The following TLK2 variants were observed in gnomAD, a reference collection of about 807,000 sequenced individuals.
TLK2 encodes serine/threonine-protein kinase tousled-like 2.
A neutral mutation model predicts 117.3 loss-of-function variants in TLK2; 6 were observed. The observed-to-expected ratio is 0.05, with a 90% CI of 0.03 to 0.10. The LOEUF is 0.10. Ranked by LOEUF, TLK2 falls within the 10% of genes least tolerant of loss-of-function variation. TLK2 has a pLI of 1.00. For synonymous variants in TLK2, 257 were observed against 316.7 expected (o/e 0.81, Z 2.00); for missense variants, 299 against 901.2 (o/e 0.33, Z 8.56).
At chr17:62,478,553 G>A (rs2071191111), upstream of TLK2, among the ~76,000 whole-genome samples, 1 of 150,084 alleles carries the variant, frequency 6.7e-6, no homozygotes. Context: ...CCGTCAGCCG[G>A]CGCCGCCCGT....
chr17:62,481,322 G>A, intron 2 of TLK2, 116 bp downstream of exon 2: 1 of 1,140,384 alleles, frequency 8.8e-7, no homozygotes, highest in Non-Finnish European at 1.3e-6. Context: ...GAAGATTTGG[G>A]TCTTAATTTC....
chr17:62,480,214 T>A (rs1235909856), intron 1 of TLK2, among the ~76,000 whole-genome samples: 2 of 152,366 alleles, frequency 1.3e-5, no homozygotes, highest in Non-Finnish European at 2.9e-5. Context: ...ACACCAACCA[T>A]TCCAACTACT....
At chr17:62,602,245 A>T (rs1225675948) in intron 19 of TLK2, 65 bp downstream of exon 19, 1 of 1,525,802 alleles carries the variant, frequency 6.6e-7, no homozygotes, top group African/African-American at 1.4e-5. Context: ...TGAAGTGTTG[A>T]TAATGAATTA....
chr17:62,483,651 G>A lies in TLK2; in HGVS notation c.81+2445G>A, dbSNP rs553023725. On this transcript the variant is annotated intron_variant, in intron 2 of 21. Coordinates refer to ENST00000346027, the MANE Select transcript of TLK2 (RefSeq NM_006852.6). ...TAGATAGCTGGGATTACAGGCGTGC[G>A]CCACTACCACCCTGTTAATTTTTGT... Among the ~76,000 whole-genome samples, 16 of 151,236 alleles carry A rather than the reference G, an allele frequency of 1.1e-4. 1 individual carries two copies. Among genetic ancestry groups the A allele is most frequent in the Admixed American group, 8.6e-4 (13 of 15,160 alleles).
intron 6 of TLK2, among the ~76,000 whole-genome samples, chr17:62,532,372 C>T (rs1005661567): frequency 6.6e-6 from 1 of 152,134 alleles, no homozygotes; most frequent in Non-Finnish European, 1.5e-5. Flanking sequence ...TGTTGCAGCT[C>T]GTTCTCCCAT....
intron 7 of TLK2, chr17:62,551,934 C>G: frequency 3.1e-6 from 1 of 325,988 alleles, no homozygotes; most frequent in South Asian, 2.6e-5. Flanking sequence ...TTACATGCAT[C>G]CCCTGTGCAT....
At chr17:62,560,255 A>T in intron 10 of TLK2, 129 bp downstream of exon 10, 1 of 693,640 alleles carries the variant, frequency 1.4e-6, no homozygotes, top group South Asian at 3.3e-5. Context: ...TGATTTGACA[A>T]TTAGAATTTT....
rs149785282 is a variant in TLK2 at position 62,588,652 on chromosome 17, C to CT, written c.1460+2434dup. ...CTTGCTTGGGCAGCTGGGGGGAGTT[C>CT]TTTTTTTTGTTTTGTTTTGTTTTCC... On this transcript the variant is annotated intron_variant, in intron 16 of 21. Transcript: ENST00000346027. Among the ~76,000 whole-genome samples the CT allele has an allele frequency of 2.6e-4, 40 of 151,344 alleles. 1 individual carries two copies. Among genetic ancestry groups the CT allele is most frequent in the South Asian group, 8.4e-4 (4 of 4,780 alleles).
At chr17:62,488,773 A>T (rs1258037296) in intron 2 of TLK2, among the ~76,000 whole-genome samples, 4 of 151,288 alleles carry the variant, frequency 2.6e-5, no homozygotes, top group African/African-American at 9.7e-5. Flanking sequence ...TCAAAGGTTA[A>T]TGTTAATACC....
intron 12 of TLK2, chr17:62,574,523 G>A (rs965295222): frequency 3.8e-6 from 2 of 528,452 alleles, no homozygotes; most frequent in Admixed American, 3.0e-5. Context: ...TGTTGTTGTT[G>A]TTTTTTTTTT....
upstream of TLK2, among the ~76,000 whole-genome samples, chr17:62,476,354 T>C (rs1598057823): frequency 6.7e-6 from 1 of 149,248 alleles, no homozygotes; most frequent in South Asian, 2.3e-4. Context: ...GAGGCCGAGG[T>C]GGGCGGATCA....
chr17:62,580,289 T>C (rs953815713), intron 15 of TLK2, 97 bp downstream of exon 15: 32 of 856,164 alleles, frequency 3.7e-5, no homozygotes, highest in Non-Finnish European at 5.1e-5. Context: ...TAGGTTGATA[T>C]CCATTGGTTG....
chr17:62,583,572 C>T lies in TLK2; in HGVS notation c.1369-2563C>T, dbSNP rs2081371442. On this transcript the variant is annotated intron_variant, in intron 15 of 21. Transcript: ENST00000346027. ...TTTTTTCCTAATGTATTTCTTCAAA[C>T]ATTTTATTTCTTTTTCTCTTGAGAC... is the stretch of plus-strand genomic sequence containing the variant. Among the ~76,000 whole-genome samples the T allele has an allele frequency of 4.0e-5, 6 of 151,872 alleles. No individual in the cohort carries two copies. In the South Asian group the frequency reaches 1.3e-3, roughly 32 times the overall value.
chr17:62,518,579 G>A (rs1191768591), intron 2 of TLK2, among the ~76,000 whole-genome samples: 2 of 152,080 alleles, frequency 1.3e-5, no homozygotes, highest in Admixed American at 1.3e-4. Context: ...GGTGGTGTGT[G>A]CTTGTAATCC....
upstream of TLK2, among the ~76,000 whole-genome samples, chr17:62,476,874 G>A (rs2071060735): frequency 6.6e-6 from 1 of 151,790 alleles, no homozygotes; most frequent in Admixed American, 6.6e-5. Context: ...CTGAGGTCAG[G>A]AATTCGAGAC....
intron 19 of TLK2, among the ~76,000 whole-genome samples, chr17:62,604,139 G>T (rs1429568728): frequency 6.6e-6 from 1 of 151,858 alleles, no homozygotes; most frequent in Non-Finnish European, 1.5e-5. Context: ...CAAGTAGCTG[G>T]GTTTACATGC....
chr17:62,529,048 G>A (rs2076566992), intron 6 of TLK2, among the ~76,000 whole-genome samples: 1 of 152,134 alleles, frequency 6.6e-6, no homozygotes, highest in African/African-American at 2.4e-5. Flanking sequence ...TTGCCAGTAG[G>A]TAAACTCAGT....
chr17:62,507,157 C>CTAGCA, intron 2 of TLK2, among the ~76,000 whole-genome samples: 1 of 152,090 alleles, frequency 6.6e-6, no homozygotes, highest in African/African-American at 2.4e-5. Flanking sequence ...ATCTGTAATC[C>CTAGCA]TAGCACTTAG....
upstream of TLK2, among the ~76,000 whole-genome samples, chr17:62,476,562 G>A (rs919574864): frequency 8.0e-5 from 12 of 150,762 alleles, no homozygotes; most frequent in African/African-American, 1.2e-4. Flanking sequence ...CAGCCCGGGC[G>A]ACAGTGTGAG....
Sources: gnomAD v4.1 joint callset for allele counts (sites outside exome capture counted in the v4.1 genomes callset) on GRCh38, gnomAD v4.1.1 for gene constraint, MANE v1.5 for transcripts, NCBI Gene and HGNC (gene_info 2026-07-23, HGNC 2026-07-21) for gene names.